The following NELL2 variants were observed in gnomAD, a reference collection of about 807,000 sequenced individuals.
The protein encoded by NELL2 is protein kinase C-binding protein NELL2.
Under a neutral mutation model 109.6 loss-of-function variants are expected in NELL2, and 41 were observed. The observed-to-expected ratio is 0.37, with a 90% CI of 0.29 to 0.49. The LOEUF (loss-of-function observed/expected upper bound fraction) is 0.49, where lower values mean the gene tolerates loss of function less well. Ranked by LOEUF, NELL2 falls within the 20% of genes least tolerant of loss-of-function variation. The pLI is 0.98. For missense variants in NELL2, 900 were observed against 1,008.3 expected (o/e 0.89, Z 1.45); for synonymous variants, 355 against 344.7 (o/e 1.03, Z -0.33).
intron 9 of NELL2, among the ~76,000 whole-genome samples, chr12:44,773,691 A>G (rs1941639826): frequency 1.3e-5 from 2 of 152,200 alleles, no homozygotes; most frequent in African/African-American, 2.4e-5. Context: ...GACATGTAAG[A>G]AAAATTGTAT....
At chr12:44,650,656 T>C (rs1241730931) in intron 13 of NELL2, among the ~76,000 whole-genome samples, 2 of 152,112 alleles carry the variant, frequency 1.3e-5, no homozygotes, top group African/African-American at 4.8e-5. Context: ...AGATGGGGCC[T>C]TTCAGGAAGT....
intron 15 of NELL2, among the ~76,000 whole-genome samples, chr12:44,593,860 T>C (rs993639155): frequency 6.6e-6 from 1 of 152,168 alleles, no homozygotes; most frequent in Admixed American, 6.5e-5. Context: ...ACGGGCTCAA[T>C]AGCAAAGTCT....
chr12:44,760,523 G>A (rs991095673), intron 9 of NELL2, among the ~76,000 whole-genome samples: 35 of 152,080 alleles, frequency 2.3e-4, no homozygotes, highest in African/African-American at 8.4e-4. Flanking sequence ...ATAAAATACT[G>A]TAGAATTAGT....
At position 44,724,682 on chromosome 12, in the gene NELL2, A is replaced by G. The variant is rs1372403183; in HGVS notation, c.995-9941T>C. ...TATCATTAAAATGGCTACACAGCCC[A>G]AAGCAGTTTACATATTCAGTGGTAT... On this transcript the variant is annotated intron_variant, in intron 9 of 19. Transcript: ENST00000429094. Among the ~76,000 whole-genome samples the G allele has an allele frequency of 2.0e-5, 3 of 152,232 alleles. No individual in the cohort carries two copies. The South Asian group carries it at 6.2e-4, about 32-fold the overall frequency.
chr12:44,779,726 T>C lies in NELL2; in HGVS notation c.543A>G (p.Thr181=), dbSNP rs1941883658. 6.2e-7 allele frequency: 1 copy of C among 1,613,908 alleles called. No individual in the cohort carries two copies. The highest frequency in any genetic ancestry group is 1.3e-5 in the African/African-American group (1 of 74,932). Residue 181 remains threonine (T), a synonymous_variant, in exon 5 of 20, where the codon ACA becomes ACG. Transcript: ENST00000429094. ...IYERVVEKPS[T]DLPLGTTFWL... ...AAAATGTTGTGCCTAGAGGCAAGTC[T>C]GTGGAGGGCTTTTCTACTACCCTTT... is the stretch of plus-strand genomic sequence containing the variant.
At chr12:44,913,278 G>A (rs1201124523) in intron 1 of NELL2, among the ~76,000 whole-genome samples, 1 of 152,108 alleles carries the variant, frequency 6.6e-6, no homozygotes, top group Admixed American at 6.6e-5. Flanking sequence ...TAGATAGTGA[G>A]CCACAGTCTC....
At chr12:44,657,110 C>T (rs920596044) in intron 13 of NELL2, among the ~76,000 whole-genome samples, 1 of 152,078 alleles carries the variant, frequency 6.6e-6, no homozygotes, top group Non-Finnish European at 1.5e-5. Context: ...TTTTCTGTAA[C>T]CTTTTGCACC....
chr12:44,887,659 T>TG (rs1482394328), intron 1 of NELL2, among the ~76,000 whole-genome samples: 10 of 146,518 alleles, frequency 6.8e-5, no homozygotes, highest in African/African-American at 2.4e-4. Flanking sequence ...TGTGTGTGTG[T>TG]TGTTGTTGTT....
Position 44,703,633 on chromosome 12 carries a change from C to A in NELL2, c.1318+93G>T, listed in dbSNP as rs909703748. The A allele has an allele frequency of 5.4e-6, 7 of 1,285,066 alleles. No individual in the cohort carries two copies. The Admixed American group carries it at 1.2e-4, about 21-fold the overall frequency. 79.6% of individuals were successfully genotyped at this position (1,285,066 alleles called of 1,614,324 possible). A position where few individuals can be genotyped will look rare whatever the true frequency, so the allele number is the denominator to read the frequency against. Reference sequence around the variant, plus strand: ...TTAAATTCACTGCTTTTAATGGGCCCATCAACTTGACAACCTGGGAACTTA... The same window carrying A: ...TTAAATTCACTGCTTTTAATGGGCCAATCAACTTGACAACCTGGGAACTTA... On this transcript the variant is annotated intron_variant, in intron 12 of 19. Transcript: ENST00000429094.
chr12:44,801,156 C>A (rs545210009), intron 3 of NELL2, among the ~76,000 whole-genome samples: 1 of 152,212 alleles, frequency 6.6e-6, no homozygotes, highest in South Asian at 2.1e-4. Context: ...ATCTTACTTT[C>A]AAGTTTTGCC....
At chr12:44,743,617 A>T (rs1940140157) in intron 9 of NELL2, among the ~76,000 whole-genome samples, 1 of 152,204 alleles carries the variant, frequency 6.6e-6, no homozygotes, top group Non-Finnish European at 1.5e-5. Context: ...CTACCAAGCA[A>T]ATGGAAAATA....
chr12:44,520,703 T>C (rs1284085635), intron 18 of NELL2, among the ~76,000 whole-genome samples: 2 of 152,348 alleles, frequency 1.3e-5, no homozygotes, highest in African/African-American at 4.8e-5. Context: ...TTTTTCTTTG[T>C]TCATTTATAT....
At chr12:44,650,753 GTCTT>G (rs34696718) in intron 13 of NELL2, among the ~76,000 whole-genome samples, 7,809 of 150,456 alleles carry the variant, frequency 0.052, 680 homozygotes, top group African/African-American at 0.18. Context: ...AGAGGTCTCT[GTCTT>G]TCTTTCTTTC....
intron 13 of NELL2, among the ~76,000 whole-genome samples, chr12:44,636,280 T>G (rs1381241691): frequency 2.0e-5 from 3 of 152,168 alleles, no homozygotes; most frequent in Non-Finnish European, 4.4e-5. Flanking sequence ...TTTACTTATC[T>G]CTCTTGCCTG....
intron 15 of NELL2, among the ~76,000 whole-genome samples, chr12:44,598,327 C>G (rs1945053405): frequency 6.6e-6 from 1 of 151,874 alleles, no homozygotes; most frequent in Non-Finnish European, 1.5e-5. Context: ...GATGAGAACC[C>G]TTTGGGAAGA....
chr12:44,813,370 T>G (rs937660200), intron 3 of NELL2, among the ~76,000 whole-genome samples: 2 of 152,202 alleles, frequency 1.3e-5, no homozygotes, highest in Admixed American at 6.5e-5. Flanking sequence ...AAATATGATA[T>G]TTGTTCAATA....
chr12:44,520,973 C>T (rs1242427597), intron 18 of NELL2, among the ~76,000 whole-genome samples: 5 of 152,132 alleles, frequency 3.3e-5, no homozygotes, highest in Non-Finnish European at 5.9e-5. Flanking sequence ...AAAGCTTTGC[C>T]TTAAAAATAA....
chr12:44,805,621 A>C (rs1942973980), intron 3 of NELL2, among the ~76,000 whole-genome samples: 1 of 151,920 alleles, frequency 6.6e-6, no homozygotes, highest in African/African-American at 2.4e-5. Flanking sequence ...GGCAAGACTA[A>C]AGGGCATAAA....
At chr12:44,812,642 A>G (rs1363806130) in intron 3 of NELL2, among the ~76,000 whole-genome samples, 1 of 152,196 alleles carries the variant, frequency 6.6e-6, no homozygotes, top group Non-Finnish European at 1.5e-5. Flanking sequence ...GAAAAGCAAG[A>G]TAACTAAAGA....
Sources: gnomAD v4.1 joint callset for allele counts (sites outside exome capture counted in the v4.1 genomes callset) on GRCh38, gnomAD v4.1.1 for gene constraint, MANE v1.5 for transcripts, NCBI Gene and HGNC (gene_info 2026-07-23, HGNC 2026-07-21) for gene names.